The following TNS1 variants were observed in gnomAD, a reference collection of about 807,000 sequenced individuals.
TNS1 encodes the protein tensin-1.
Under a neutral mutation model 168.6 loss-of-function variants are expected in TNS1, and 62 were observed. That is an observed-to-expected ratio of 0.37 (90% CI 0.30 to 0.45). The LOEUF is 0.45. Ranked by LOEUF, TNS1 falls within the 20% of genes least tolerant of loss-of-function variation. TNS1 has a pLI of 1.00. For missense variants in TNS1, 2,240 were observed against 2,339.4 expected (o/e 0.96, Z 0.88); for synonymous variants, 934 against 933.2 (o/e 1.00, Z -0.02).
chr2:218,024,870 G>C lies in TNS1; in HGVS notation c.156+8950C>G, dbSNP rs146774625. Reference sequence around the variant, plus strand: ...GGCATCCTAAGCAGAAAGGAGAAACGGGGAGGGGAACAGAGAGGGTGTCAG... The same window carrying C: ...GGCATCCTAAGCAGAAAGGAGAAACCGGGAGGGGAACAGAGAGGGTGTCAG... On this transcript the variant is annotated intron_variant, in intron 1 of 1. Transcript: ENST00000649572. Among the ~76,000 whole-genome samples the C allele has an allele frequency of 3.4e-3, 514 of 152,302 alleles. 1 individual carries two copies. The highest frequency in any genetic ancestry group is 0.012 in the African/African-American group (478 of 41,550).
At chr2:217,964,079 G>A (rs1166351275) in intron 3 of TNS1, among the ~76,000 whole-genome samples, 1 of 152,096 alleles carries the variant, frequency 6.6e-6, no homozygotes, top group Non-Finnish European at 1.5e-5. Flanking sequence ...CATTCAAATT[G>A]TCTTCCCTGG....
intron 18 of TNS1, among the ~76,000 whole-genome samples, chr2:217,851,475 C>CA (rs1947486574): frequency 1.4e-5 from 2 of 141,008 alleles, no homozygotes; most frequent in Non-Finnish European, 3.1e-5. Flanking sequence ...ACACACACAC[C>CA]CCAGGGACTG....
chr2:218,019,869 G>T (rs1167381142), intron 1 of TNS1, among the ~76,000 whole-genome samples: 1 of 152,006 alleles, frequency 6.6e-6, no homozygotes, highest in African/African-American at 2.4e-5. Context: ...TCCTGTCAAT[G>T]GCCCCAAGAT....
intron 18 of TNS1, among the ~76,000 whole-genome samples, chr2:217,860,571 C>A (rs1380287882): frequency 6.6e-6 from 1 of 152,118 alleles, no homozygotes; most frequent in Non-Finnish European, 1.5e-5. Context: ...CCACTTGTCC[C>A]CACCCCAACC....
chr2:217,906,026 T>C (rs1953645152), intron 6 of TNS1, among the ~76,000 whole-genome samples: 3 of 152,212 alleles, frequency 2.0e-5, no homozygotes, highest in Admixed American at 1.3e-4. Context: ...TCCCTTGCTG[T>C]GGTTTTGCGC....
intron 18 of TNS1, among the ~76,000 whole-genome samples, chr2:217,857,089 GA>G (rs1559248942): frequency 6.6e-6 from 1 of 152,336 alleles, no homozygotes; most frequent in South Asian, 2.1e-4. Context: ...TGGCCTTGAA[GA>G]TGGAGAAAGT....
At chr2:217,815,889 C>A (rs1401789162) in intron 24 of TNS1, among the ~76,000 whole-genome samples, 1 of 152,124 alleles carries the variant, frequency 6.6e-6, no homozygotes, top group Non-Finnish European at 1.5e-5. Context: ...AAAATCACTT[C>A]TCTTTGGATC....
At chr2:217,958,748 C>T (rs1370238742) in intron 3 of TNS1, among the ~76,000 whole-genome samples, 1 of 152,224 alleles carries the variant, frequency 6.6e-6, no homozygotes, top group African/African-American at 2.4e-5. Context: ...CCCAGGCAGG[C>T]AGGTAAGCAA....
chr2:217,987,305 T>TGCAGGAGTTC (rs1262729040), intron 2 of TNS1, among the ~76,000 whole-genome samples: 1 of 152,176 alleles, frequency 6.6e-6, no homozygotes, highest in African/African-American at 2.4e-5. Context: ...AGGGTTCATA[T>TGCAGGAGTTC]GCAGGAGTTC....
At chr2:218,027,424 T>C (rs1958860199) in intron 1 of TNS1, among the ~76,000 whole-genome samples, 1 of 152,052 alleles carries the variant, frequency 6.6e-6, no homozygotes, top group African/African-American at 2.4e-5. Flanking sequence ...AGGGGCCACA[T>C]GCTTCTAGCA....
At chr2:217,858,331 C>A (rs569222991) in intron 18 of TNS1, among the ~76,000 whole-genome samples, 87 of 152,204 alleles carry the variant, frequency 5.7e-4, no homozygotes, top group African/African-American at 2.0e-3. Flanking sequence ...GCACAGCGGG[C>A]CACAGCCCCA....
At chr2:218,011,634 C>T (rs1387008343), upstream of TNS1, among the ~76,000 whole-genome samples, 2 of 152,134 alleles carry the variant, frequency 1.3e-5, no homozygotes, top group African/African-American at 2.4e-5. Context: ...ACTGTGTGGG[C>T]GGAGGCCCTG....
intron 19 of TNS1, among the ~76,000 whole-genome samples, chr2:217,837,780 C>A (rs531890153): frequency 6.6e-6 from 1 of 152,228 alleles, no homozygotes; most frequent in Non-Finnish European, 1.5e-5. Flanking sequence ...AGCCCTTATT[C>A]GCAGAACAGA....
intron 24 of TNS1, among the ~76,000 whole-genome samples, chr2:217,816,287 A>G (rs932304724): frequency 1.3e-5 from 2 of 152,200 alleles, no homozygotes; most frequent in Non-Finnish European, 2.9e-5. Flanking sequence ...GAACAGAAAA[A>G]GATGAGGATT....
intron 4 of TNS1, among the ~76,000 whole-genome samples, chr2:217,909,347 C>T (rs959568759): frequency 3.3e-5 from 5 of 152,132 alleles, no homozygotes; most frequent in African/African-American, 9.7e-5. Flanking sequence ...CTGACCTGTC[C>T]GCTACCCAGC....
intron 21 of TNS1, among the ~76,000 whole-genome samples, chr2:217,833,864 A>G (rs1381924321): frequency 6.6e-6 from 1 of 152,274 alleles, no homozygotes; most frequent in African/African-American, 2.4e-5. Context: ...ACTGGGGTTA[A>G]ATAAAACATA....
At chr2:217,842,100 C>T (rs1379830325) in intron 19 of TNS1, 1 of 703,042 alleles carries the variant, frequency 1.4e-6, no homozygotes, top group South Asian at 1.5e-5. Flanking sequence ...ATGCTGGTTC[C>T]CTCCTCCTGT....
chr2:217,978,905 A>AGGAAGGAG (rs1553623228), intron 2 of TNS1, 103 bp from the exon 3 acceptor site: 4 of 685,766 alleles, frequency 5.8e-6, no homozygotes, highest in Admixed American at 2.0e-5. Context: ...GCGCTCGGGA[A>AGGAAGGAG]GGAAGGAGGG....
At chr2:217,993,247 C>T (rs1189272269) in intron 1 of TNS1, among the ~76,000 whole-genome samples, 2 of 152,232 alleles carry the variant, frequency 1.3e-5, no homozygotes, top group Non-Finnish European at 2.9e-5. Flanking sequence ...TGTTAAGTGA[C>T]TCATGACTGT....
Sources: allele counts gnomAD v4.1 joint callset (sites outside exome capture counted in the v4.1 genomes callset), GRCh38; gene constraint gnomAD v4.1.1; transcripts MANE v1.5; gene names NCBI Gene and HGNC (gene_info 2026-07-23, HGNC 2026-07-21).